The following NRXN3 variants were observed in gnomAD, a reference collection of about 807,000 sequenced individuals.
NRXN3 encodes the protein neurexin 3.
In NRXN3, 32 loss-of-function variants were observed where a neutral mutation model predicts 137.6. The ratio of observed to expected loss-of-function variants is 0.23; its 90% CI spans 0.18 to 0.31. The LOEUF (loss-of-function observed/expected upper bound fraction) is 0.31. Ranked by LOEUF, NRXN3 falls within the 10% of genes least tolerant of loss-of-function variation. NRXN3 has a pLI of 1.00. For synonymous variants in NRXN3, 798 were observed against 784.5 expected, an observed-to-expected ratio of 1.02 and a Z score of -0.29; for missense variants, 1,574 against 2,062.5, an observed-to-expected ratio of 0.76 and a Z score of 4.59.
intron 8 of NRXN3, among the ~76,000 whole-genome samples, chr14:78,722,685 T>C (rs1315948270): frequency 6.6e-6 from 1 of 152,228 alleles, no homozygotes; most frequent in Admixed American, 6.5e-5. Flanking sequence ...ATCCTCACTT[T>C]CTACGTGAAG....
At chr14:79,238,515 C>T (rs1451191186) in intron 15 of NRXN3, among the ~76,000 whole-genome samples, 4 of 151,960 alleles carry the variant, frequency 2.6e-5, no homozygotes, top group East Asian at 1.9e-4. Context: ...AAGTCTTGTA[C>T]GTTCCAAGGT....
chr14:79,023,914 G>A (rs1240237581), intron 15 of NRXN3, among the ~76,000 whole-genome samples: 1 of 152,104 alleles, frequency 6.6e-6, no homozygotes, highest in East Asian at 1.9e-4. Context: ...AGCATTGTAA[G>A]AAGGGCCTTC....
intron 8 of NRXN3, among the ~76,000 whole-genome samples, chr14:78,763,999 C>T (rs2098700870): frequency 6.6e-6 from 1 of 152,150 alleles, no homozygotes; most frequent in Non-Finnish European, 1.5e-5. Flanking sequence ...CATGTCAGTT[C>T]CTCAGGATCA....
chr14:79,711,231 A>ATGTT (rs960536450), intron 19 of NRXN3, among the ~76,000 whole-genome samples: 2 of 152,134 alleles, frequency 1.3e-5, no homozygotes, highest in East Asian at 1.9e-4. Flanking sequence ...GTTTTATGGA[A>ATGTT]TGTTTATATT....
rs113579838 is a variant in NRXN3, at chr14:79,741,451, ATGTGTGTG to A, written c.4014+43529_4014+43536del. ...TTGTCCTGTCATTGTAAGTTGAAAT[ATGTGTGTG>A]TGTGTGTGTGTGTGCATGTATATAT... is the stretch of plus-strand genomic sequence containing the variant. On this transcript the variant is annotated intron_variant, in intron 19 of 20. Transcript: ENST00000335750. Among the ~76,000 whole-genome samples, 162 of 150,018 alleles carry A rather than the reference ATGTGTGTG, an allele frequency of 1.1e-3. 1 individual carries two copies. The highest frequency in any genetic ancestry group is 5.5e-4 in the Non-Finnish European group (37 of 67,376).
At chr14:78,768,355 A>G (rs2098715666) in intron 8 of NRXN3, among the ~76,000 whole-genome samples, 1 of 152,188 alleles carries the variant, frequency 6.6e-6, no homozygotes, top group South Asian at 2.1e-4. Flanking sequence ...TTTAAGTTAG[A>G]GAAAAACAAA....
chr14:79,212,265 G>A (rs144549801), intron 15 of NRXN3, among the ~76,000 whole-genome samples: 6 of 152,254 alleles, frequency 3.9e-5, no homozygotes, highest in East Asian at 1.9e-4. Context: ...AATAACCATC[G>A]AAAGGACAAA....
At chr14:78,517,566 T>C (rs2096227906) in intron 4 of NRXN3, among the ~76,000 whole-genome samples, 2 of 152,162 alleles carry the variant, frequency 1.3e-5, no homozygotes, top group Non-Finnish European at 2.9e-5. Context: ...CACCTCTTTC[T>C]CTTCATTGCA....
intron 2 of NRXN3, among the ~76,000 whole-genome samples, chr14:78,251,794 G>A (rs1596379155): frequency 6.6e-6 from 1 of 152,152 alleles, no homozygotes; most frequent in South Asian, 2.1e-4. Flanking sequence ...TTAGACAGAG[G>A]GATCACTCTA....
At chr14:79,350,858 G>A (rs1331215950) in intron 15 of NRXN3, among the ~76,000 whole-genome samples, 2 of 152,138 alleles carry the variant, frequency 1.3e-5, no homozygotes, top group Non-Finnish European at 1.5e-5. Flanking sequence ...CTCTCCAGGA[G>A]CAGTTATGAG....
At chr14:79,123,879 G>T (rs951195716) in intron 15 of NRXN3, among the ~76,000 whole-genome samples, 3 of 152,174 alleles carry the variant, frequency 2.0e-5, no homozygotes, top group African/African-American at 4.8e-5. Flanking sequence ...CTCATTGGAA[G>T]ATTGTTTTTC....
chr14:78,928,390 G>A lies in NRXN3; in HGVS notation c.2276-28852G>A, dbSNP rs575098402. On this transcript the variant is annotated intron_variant, in intron 10 of 20. Coordinates refer to ENST00000335750, the MANE Select transcript of NRXN3 (RefSeq NM_001330195.2). ...ATGTATACATGTGCCATGTTGGTGTGCCGCACCCAGTAACTCGTCATTTAA... is the reference window on the plus strand; with the variant it reads ...ATGTATACATGTGCCATGTTGGTGTACCGCACCCAGTAACTCGTCATTTAA... Among the ~76,000 whole-genome samples the A allele has an allele frequency of 4.6e-4, 70 of 152,086 alleles. 3 individuals carry two copies. In the South Asian group the frequency reaches 0.014, roughly 31 times the overall value.
intron 10 of NRXN3, among the ~76,000 whole-genome samples, chr14:78,873,976 C>CTTTT (rs3034392): frequency 0.019 from 2,712 of 140,826 alleles, 96 homozygotes; most frequent in African/African-American, 0.065. Flanking sequence ...TCTTTTCTTT[C>CTTTT]TTTTTTTTTT....
At chr14:79,793,595 A>C (rs1452175322) in intron 19 of NRXN3, among the ~76,000 whole-genome samples, 1 of 152,192 alleles carries the variant, frequency 6.6e-6, no homozygotes, top group Non-Finnish European at 1.5e-5. Context: ...TTAGCTATAT[A>C]ATTTGTGGAA....
At chr14:79,702,489 G>T (rs2098758249) in intron 19 of NRXN3, among the ~76,000 whole-genome samples, 1 of 151,992 alleles carries the variant, frequency 6.6e-6, no homozygotes, top group Admixed American at 6.6e-5. Flanking sequence ...TGGACAGGTG[G>T]TGAGAGGAAC....
At chr14:78,205,589 G>A (rs1271007669) in intron 1 of NRXN3, among the ~76,000 whole-genome samples, 2 of 152,266 alleles carry the variant, frequency 1.3e-5, no homozygotes, top group Non-Finnish European at 2.9e-5. Flanking sequence ...GTAAAGAGGA[G>A]TATTCCAGGT....
chr14:78,362,548 TG>T (rs1226805939), intron 4 of NRXN3, among the ~76,000 whole-genome samples: 1 of 152,196 alleles, frequency 6.6e-6, no homozygotes, highest in Non-Finnish European at 1.5e-5. Context: ...TTAACAGGGA[TG>T]TTTTTCATAT....
intron 2 of NRXN3, among the ~76,000 whole-genome samples, chr14:78,264,549 C>A (rs1460513728): frequency 2.6e-5 from 4 of 151,828 alleles, no homozygotes; most frequent in Non-Finnish European, 5.9e-5. Flanking sequence ...TTCCTGAAGC[C>A]AGCAGGGCAG....
At chr14:79,780,769 A>G (rs1332659462) in intron 19 of NRXN3, among the ~76,000 whole-genome samples, 1 of 152,236 alleles carries the variant, frequency 6.6e-6, no homozygotes, top group Non-Finnish European at 1.5e-5. Flanking sequence ...TCTAGCATGT[A>G]TCACTGTTAG....
Sources: allele counts gnomAD v4.1 joint callset (sites outside exome capture counted in the v4.1 genomes callset), GRCh38; gene constraint gnomAD v4.1.1; transcripts MANE v1.5; gene names NCBI Gene and HGNC (gene_info 2026-07-23, HGNC 2026-07-21).